ASB3: variants seen among roughly 807,000 people sequenced by gnomAD.
The protein encoded by ASB3 is ankyrin repeat and SOCS box containing 3.
In ASB3, 41 loss-of-function variants were observed where a neutral mutation model predicts 54.5. That is an observed-to-expected ratio of 0.75 (90% CI 0.59 to 0.98). ASB3 has a LOEUF of 0.98. ASB3 is among the 50% of genes least tolerant of loss of function. The probability of loss-of-function intolerance (pLI) is 0.00; values close to 1 mark genes in which losing one functional copy is unlikely to be tolerated. For synonymous variants in ASB3, 266 were observed against 221.2 expected, an observed-to-expected ratio of 1.20 and a Z score of -1.80; for missense variants, 733 against 620.0, an observed-to-expected ratio of 1.18 and a Z score of -1.94.
intron 9 of ASB3, among the ~76,000 whole-genome samples, chr2:53,674,359 T>C (rs1280826759): frequency 6.6e-6 from 1 of 152,186 alleles, no homozygotes; most frequent in African/African-American, 2.4e-5. Flanking sequence ...TGAGTAATAT[T>C]TAACTTTTAA....
intron 9 of ASB3, among the ~76,000 whole-genome samples, chr2:53,681,123 A>G (rs1205090303): frequency 6.6e-6 from 1 of 152,088 alleles, no homozygotes; most frequent in Admixed American, 6.5e-5. Flanking sequence ...TTCTTTATCC[A>G]TTGATCTTTT....
chr2:53,700,629 T>C lies in ASB3; in HGVS notation c.981-101A>G, dbSNP rs373452449. 2.0e-4 allele frequency: 291 copies of C among 1,438,808 alleles called. No homozygotes were observed. In the East Asian group the frequency reaches 6.5e-3, roughly 32 times the overall value. 89.1% of individuals were successfully genotyped at this position (1,438,808 alleles called of 1,614,324 possible). On this transcript the variant is annotated intron_variant, in intron 7 of 9. Coordinates refer to ENST00000263634, the MANE Select transcript of ASB3 (RefSeq NM_016115.5). Reference sequence around the variant, plus strand: ...AGTAGTTACAGCTGGGGAATAAGTATGGCAGATTAAATAGTGGATGGTTTC... The same window carrying C: ...AGTAGTTACAGCTGGGGAATAAGTACGGCAGATTAAATAGTGGATGGTTTC...
intron 7 of ASB3, among the ~76,000 whole-genome samples, chr2:53,702,795 G>A (rs1669563442): frequency 6.6e-6 from 1 of 152,130 alleles, no homozygotes; most frequent in African/African-American, 2.4e-5. Context: ...AATTCAACAT[G>A]AAAACAAAAT....
intron 5 of ASB3, among the ~76,000 whole-genome samples, chr2:53,726,874 A>G (rs1203310199): frequency 2.0e-5 from 3 of 151,752 alleles, no homozygotes; most frequent in Non-Finnish European, 4.4e-5. Context: ...TTGTATTTTC[A>G]GTAGAGACAG....
At chr2:53,688,539 A>T (rs1258648054) in intron 9 of ASB3, among the ~76,000 whole-genome samples, 2 of 152,230 alleles carry the variant, frequency 1.3e-5, no homozygotes, top group African/African-American at 2.4e-5. Flanking sequence ...TGTCTTTGCC[A>T]CAATGACAAG....
At chr2:53,753,207 G>C (rs2104017233) in intron 2 of ASB3, among the ~76,000 whole-genome samples, 1 of 152,310 alleles carries the variant, frequency 6.6e-6, no homozygotes, top group South Asian at 2.1e-4. Context: ...ATGATGCTAT[G>C]ACTGAAAACT....
chr2:53,686,759 CG>C (rs1668655098), intron 9 of ASB3, among the ~76,000 whole-genome samples: 1 of 151,978 alleles, frequency 6.6e-6, no homozygotes, highest in African/African-American at 2.4e-5. Flanking sequence ...TCTTGTTGCC[CG>C]GGCTGGAGTG....
intron 3 of ASB3, among the ~76,000 whole-genome samples, chr2:53,744,076 T>C (rs1374353044): frequency 6.8e-6 from 1 of 146,956 alleles, no homozygotes; most frequent in Non-Finnish European, 1.5e-5. Context: ...AAAGACATTG[T>C]GTTAAAACAT....
intron 1 of ASB3, chr2:53,768,060 G>A (rs1268766465): frequency 6.2e-7 from 1 of 1,606,110 alleles, no homozygotes; most frequent in Non-Finnish European, 8.5e-7. Flanking sequence ...ACTGCCCCCT[G>A]ACCCCTGCTC....
chr2:53,691,670 T>A (rs1668920237), intron 9 of ASB3, among the ~76,000 whole-genome samples: 2 of 152,060 alleles, frequency 1.3e-5, no homozygotes, highest in South Asian at 4.1e-4. Context: ...ATGACCAACA[T>A]ACAGAAATTG....
rs1667747669 is a variant in ASB3, at chr2:53,670,318, T to TA, written c.*184dup. The TA allele has an allele frequency of 3.7e-6, 1 of 273,186 alleles. No individual in the cohort carries two copies. The highest frequency in any genetic ancestry group is 7.2e-5 in the East Asian group (1 of 13,980). 16.9% of individuals were successfully genotyped at this position (273,186 alleles called of 1,614,324 possible). ...TTTTTTTTTTTTTTTTTTTTTTTTT[T>TA]ACTGGGAAGGCTAGTTGTAAACATA... On this transcript the variant is annotated 3_prime_UTR_variant, in exon 10 of 10. Coordinates refer to ENST00000263634, the MANE Select transcript of ASB3 (RefSeq NM_016115.5).
intron 3 of ASB3, among the ~76,000 whole-genome samples, chr2:53,739,258 C>T (rs765301795): frequency 2.6e-5 from 4 of 152,132 alleles, no homozygotes; most frequent in Non-Finnish European, 4.4e-5. Flanking sequence ...TTGACCCACA[C>T]AAAACTTTTG....
chr2:53,698,302 T>C (rs930703508), intron 8 of ASB3, among the ~76,000 whole-genome samples: 3 of 152,206 alleles, frequency 2.0e-5, no homozygotes, highest in East Asian at 1.9e-4. Flanking sequence ...TTTCTAATTG[T>C]CTTGATGATA....
intron 7 of ASB3, among the ~76,000 whole-genome samples, chr2:53,708,457 C>A (rs1047046774): frequency 6.6e-6 from 1 of 152,146 alleles, no homozygotes; most frequent in Non-Finnish European, 1.5e-5. Flanking sequence ...AATGCAAGAA[C>A]GAACTAATAC....
intron 1 of ASB3, among the ~76,000 whole-genome samples, chr2:53,771,494 G>T (rs1217604559): frequency 6.6e-6 from 1 of 151,984 alleles, no homozygotes; most frequent in Non-Finnish European, 1.5e-5. Flanking sequence ...GCCTGGGCTT[G>T]TTGAGCAAAA....
chr2:53,767,867 G>C (rs902695986), intron 1 of ASB3: 1 of 1,595,698 alleles, frequency 6.3e-7, no homozygotes, highest in African/African-American at 1.3e-5. Context: ...CGGCCACTGG[G>C]GCAGAGGAGC....
chr2:53,751,099 G>A (rs1354689205), intron 2 of ASB3, among the ~76,000 whole-genome samples, 158 bp from the exon 3 acceptor site: 1 of 152,082 alleles, frequency 6.6e-6, no homozygotes, highest in African/African-American at 2.4e-5. Context: ...TCAAGAAAAA[G>A]TTCTACAGAG....
At chr2:53,692,893 A>G (rs1668991909) in intron 9 of ASB3, among the ~76,000 whole-genome samples, 1 of 152,178 alleles carries the variant, frequency 6.6e-6, no homozygotes, top group Non-Finnish European at 1.5e-5. Flanking sequence ...TCTATACTAG[A>G]AGGCTGAAAG....
At position 53,710,399 on chromosome 2, in the gene ASB3, C is replaced by G. The variant is rs547499022; in HGVS notation, c.980+3985G>C. The stretch of plus-strand genomic sequence containing the variant: ...AGAATTTCTACCTTTTCATTTTTTC[C>G]AGTGTGTTAGCCTCATGAAGCACCA... On this transcript the variant is annotated intron_variant, in intron 7 of 9. Transcript: ENST00000263634. Among the ~76,000 whole-genome samples, 106 of 151,984 alleles carry G rather than the reference C, an allele frequency of 7.0e-4. 1 individual carries two copies. The highest frequency in any genetic ancestry group is 3.5e-3 in the South Asian group (17 of 4,818).
Sources: gnomAD v4.1 joint callset for allele counts (sites outside exome capture counted in the v4.1 genomes callset) on GRCh38, gnomAD v4.1.1 for gene constraint, MANE v1.5 for transcripts, NCBI Gene and HGNC (gene_info 2026-07-23, HGNC 2026-07-21) for gene names.